The following COG4 variants were observed in gnomAD, a reference collection of about 807,000 sequenced individuals.
The protein encoded by COG4 is component of oligomeric golgi complex 4.
Under a neutral mutation model 95.1 loss-of-function variants are expected in COG4, and 65 were observed. That is an observed-to-expected ratio of 0.68 (90% CI 0.56 to 0.84). The LOEUF is 0.84. Among genes scored for constraint, COG4 ranks in the 40% least tolerant of loss-of-function variants. The pLI, the probability that COG4 is intolerant of heterozygous loss-of-function variation, is 0.00. For missense variants in COG4, 1,045 were observed against 989.1 expected (o/e 1.06, Z -0.76); for synonymous variants, 421 against 374.8 (o/e 1.12, Z -1.42).
intron 12 of COG4, among the ~76,000 whole-genome samples, chr16:70,494,949 G>A (rs1455301123): frequency 6.6e-6 from 1 of 152,042 alleles, no homozygotes; most frequent in Admixed American, 6.6e-5. Flanking sequence ...GAAGAGAGTG[G>A]GGCTGCCTAA....
chr16:70,515,808 T>C, intron 3 of COG4: 9 of 307,782 alleles, frequency 2.9e-5, no homozygotes, highest in South Asian at 2.2e-4. Flanking sequence ...GTTTCACCAG[T>C]AAGTATGATA....
At chr16:70,503,387 T>A (rs562964296) in intron 8 of COG4, among the ~76,000 whole-genome samples, 1 of 152,258 alleles carries the variant, frequency 6.6e-6, no homozygotes, top group African/African-American at 2.4e-5. Context: ...AATCTGGTCA[T>A]ATCATATAGT....
rs1450741267 is a variant in COG4, at chr16:70,519,683, T to C, written c.220A>G (p.Ile74Val). The change falls in exon 2 of 19, where the codon ATT becomes GTT. Residue 74 changes from isoleucine (I) to valine (V), a missense_variant. Transcript: ENST00000323786. ...LDALLEQQNT[I>V]ESKMVTLHRM... The stretch of plus-strand genomic sequence containing the variant: ...TGGAGAGTGACCATCTTACTTTCAA[T>C]GGTGTTTTGCTGTTCCAAAAGAGCA... 3 of 1,613,906 alleles carry C rather than the reference T, an allele frequency of 1.9e-6. No individual in the cohort carries two copies. The highest frequency in any genetic ancestry group is 1.1e-5 in the South Asian group (1 of 91,058).
At chr16:70,520,244 G>C (rs1425194008) in intron 1 of COG4, among the ~76,000 whole-genome samples, 1 of 152,002 alleles carries the variant, frequency 6.6e-6, no homozygotes, top group Non-Finnish European at 1.5e-5. Context: ...AACCATCCTG[G>C]ATAACACGGT....
chr16:70,487,081 G>A (rs773341273), intron 13 of COG4, among the ~76,000 whole-genome samples: 5 of 151,446 alleles, frequency 3.3e-5, no homozygotes, highest in African/African-American at 7.3e-5. Flanking sequence ...GCCTGAGGTC[G>A]GGAATTTGAG....
intron 10 of COG4, 88 bp from the exon 11 acceptor site, chr16:70,497,475 T>C: frequency 7.9e-7 from 1 of 1,271,430 alleles, no homozygotes; most frequent in Admixed American, 1.7e-5. Context: ...CTAGCTCTGC[T>C]CCCTTTTCTG....
chr16:70,490,459 A>G (rs2049221798), intron 12 of COG4, 67 bp from the exon 13 acceptor site: 1 of 1,284,644 alleles, frequency 7.8e-7, no homozygotes, highest in South Asian at 1.2e-5. Flanking sequence ...CCAATGCCAG[A>G]CTGGCTGACA....
chr16:70,521,007 C>A (rs2049930516), intron 1 of COG4, among the ~76,000 whole-genome samples: 1 of 152,102 alleles, frequency 6.6e-6, no homozygotes, highest in Non-Finnish European at 1.5e-5. Flanking sequence ...CCTACCCCAG[C>A]CCCCCAAATA....
At chr16:70,491,521 A>C (rs796111931) in intron 12 of COG4, among the ~76,000 whole-genome samples, 2 of 4,556 alleles carry the variant, frequency 4.4e-4, no homozygotes, top group Admixed American at 1.9e-3. Flanking sequence ...ACTCTGTCTC[A>C]AAAAAAAAAA....
At chr16:70,484,076 C>G in intron 13 of COG4, 107 bp from the exon 14 acceptor site, 1 of 852,138 alleles carries the variant, frequency 1.2e-6, no homozygotes, top group Middle Eastern at 3.2e-4. Flanking sequence ...CTGTCAAGAG[C>G]CCGGATGGGT....
At chr16:70,506,625 A>AAAAAAC in intron 8 of COG4, among the ~76,000 whole-genome samples, 1 of 132,300 alleles carries the variant, frequency 7.6e-6, no homozygotes. Context: ...AAACAAAAAA[A>AAAAAAC]AAAACATTTA....
Position 70,482,102 on chromosome 16 carries a change from G to A in COG4, c.1994C>T (p.Ala665Val), listed in dbSNP as rs1215329925. 1 of 1,613,498 alleles carries A rather than the reference G, an allele frequency of 6.2e-7. No homozygotes were observed. Residue 665 changes from alanine to valine, a missense_variant, in exon 16 of 19, where the codon GCA becomes GTA. Physicochemically the swap from Ala to Val is moderately conservative, Grantham distance 64. Transcript: ENST00000323786. The part of the protein sequence containing the change: ...QFILNLEQQM[A>V]EFKASLSPVI... Reference sequence around the variant, plus strand: ...AGGGCCCCTGCTCACCTTGAACTCTGCCATTTGCTGCTCCAGGTTAAGGAT... The same window carrying A: ...AGGGCCCCTGCTCACCTTGAACTCTACCATTTGCTGCTCCAGGTTAAGGAT...
intron 7 of COG4, 64 bp downstream of exon 7, chr16:70,509,167 T>G (rs2049644378): frequency 6.3e-7 from 1 of 1,596,790 alleles, no homozygotes; most frequent in Non-Finnish European, 8.6e-7. Context: ...CCCTACAATT[T>G]ATTCTACTCA....
At position 70,490,399 on chromosome 16, in the gene COG4, G is replaced by A. The variant is rs758242930; in HGVS notation, c.1648-7C>T. The A allele has an allele frequency of 3.1e-6, 5 of 1,612,926 alleles. 1 individual carries two copies. In the South Asian group the frequency reaches 5.5e-5, roughly 18 times the overall value. ...CCACGTTGTTCAGAGTCACCTGGGA[G>A]ATGAGGAAGGAAGAACGTGACTTCC... is the stretch of plus-strand genomic sequence containing the variant. On this transcript the variant is annotated splice_region_variant and splice_polypyrimidine_tract_variant and intron_variant, in intron 12 of 18. Coordinates refer to ENST00000323786, the MANE Select transcript of COG4 (RefSeq NM_015386.3).
intron 7 of COG4, 127 bp downstream of exon 7, chr16:70,509,104 G>A: frequency 8.5e-7 from 1 of 1,181,138 alleles, no homozygotes; most frequent in Non-Finnish European, 1.2e-6. Flanking sequence ...AGGCCAGTGT[G>A]CGCTTAGCAT....
chr16:70,483,882 C>G lies in COG4; in HGVS notation c.1798G>C (p.Val600Leu). The change falls in exon 14 of 19, where the codon GTG becomes CTG. Residue 600 changes from valine to leucine, a missense_variant. By Grantham distance (32) the Val-to-Leu change is conservative (BLOSUM62 1). Coordinates refer to ENST00000323786, the MANE Select transcript of COG4 (RefSeq NM_015386.3). ...AAGAGGTCTCGGAATTTGTTGGACA[C>G]GGCGGCCAAGTCAGAAAGGCAGCTG... ...FDSCLSDLAA[V>L]SNKFRDLLQE... is the part of the protein sequence containing the mutation. 6.2e-7 allele frequency: 1 copy of G among 1,613,410 alleles called. No individual in the cohort carries two copies. The highest frequency in any genetic ancestry group is 8.5e-7 in the Non-Finnish European group (1 of 1,179,976).
At chr16:70,523,057 A>G in intron 1 of COG4, 1 of 382,436 alleles carries the variant, frequency 2.6e-6, no homozygotes, top group Non-Finnish European at 4.8e-6. Flanking sequence ...TTTGAGAACC[A>G]AGCAATTTGG....
chr16:70,482,876 CCT>C (rs1159130680), intron 14 of COG4, 55 bp from the exon 15 acceptor site: 24 of 1,329,804 alleles, frequency 1.8e-5, no homozygotes, highest in African/African-American at 7.2e-5. Context: ...TCATCCCTTC[CCT>C]CTCTCTTCTC....
chr16:70,507,045 C>T (rs985167271), intron 8 of COG4, among the ~76,000 whole-genome samples: 2 of 151,822 alleles, frequency 1.3e-5, no homozygotes, highest in Non-Finnish European at 2.9e-5. Flanking sequence ...GGCAAAACCT[C>T]GTCTCTACAA....
Sources: allele counts gnomAD v4.1 joint callset (sites outside exome capture counted in the v4.1 genomes callset), GRCh38; gene constraint gnomAD v4.1.1; transcripts MANE v1.5; gene names NCBI Gene and HGNC (gene_info 2026-07-23, HGNC 2026-07-21).